The following SP100 variants were observed in gnomAD, a reference collection of about 807,000 sequenced individuals.
SP100 encodes the protein SP100 nuclear body protein.
A neutral mutation model predicts 130.0 loss-of-function variants in SP100; 84 were observed. The ratio of observed to expected loss-of-function variants is 0.65; its 90% CI spans 0.54 to 0.77. The LOEUF is 0.77. SP100 is among the 30% of genes least tolerant of loss of function. SP100 has a pLI of 0.00. For missense variants in SP100, 978 were observed against 1,052.2 expected (o/e 0.93, Z 0.97); for synonymous variants, 331 against 351.7 (o/e 0.94, Z 0.66).
chr2:230,491,016 G>A (rs1475716930), intron 17 of SP100, among the ~76,000 whole-genome samples: 2 of 152,072 alleles, frequency 1.3e-5, no homozygotes, highest in African/African-American at 2.4e-5. Flanking sequence ...TTGCATGTTG[G>A]CCTGCCTTGC....
intron 2 of SP100, among the ~76,000 whole-genome samples, chr2:230,425,028 T>A (rs112877544): frequency 9.9e-4 from 150 of 152,062 alleles, no homozygotes; most frequent in African/African-American, 3.4e-3. Flanking sequence ...TATTGAGGTA[T>A]AATTGTATAA....
intron 17 of SP100, among the ~76,000 whole-genome samples, chr2:230,489,260 G>A (rs1314069852): frequency 6.6e-6 from 1 of 152,136 alleles, no homozygotes; most frequent in African/African-American, 2.4e-5. Flanking sequence ...GAGGGTGTAT[G>A]TTTCCAGGAA....
chr2:230,438,334 G>A (rs1463623821), intron 2 of SP100, among the ~76,000 whole-genome samples: 2 of 151,936 alleles, frequency 1.3e-5, no homozygotes, highest in Non-Finnish European at 1.5e-5. Flanking sequence ...ACATAGATAA[G>A]TTCATTAGTG....
At chr2:230,439,581 TTTG>T (rs1489900632) in intron 2 of SP100, among the ~76,000 whole-genome samples, 1 of 152,054 alleles carries the variant, frequency 6.6e-6, no homozygotes, top group African/African-American at 2.4e-5. Flanking sequence ...GTTGTTTTGC[TTTG>T]TTTTTTTGGT....
At chr2:230,491,812 T>C (rs1206066863) in intron 17 of SP100, among the ~76,000 whole-genome samples, 1 of 152,230 alleles carries the variant, frequency 6.6e-6, no homozygotes, top group Admixed American at 6.5e-5. Context: ...ACTTTCAGCC[T>C]TCCTTACAGT....
rs924239827 is a variant in SP100, at chr2:230,461,219, T to C, written c.821-43T>C. The C allele has an allele frequency of 2.5e-6, 4 of 1,596,870 alleles. No individual in the cohort carries two copies. The African/African-American group carries it at 5.4e-5, about 22-fold the overall frequency. Reference sequence around the variant, plus strand: ...AGTTATTAATGATAGTGAAGGAGGTTCACTGGGGACACAAATGAAAATTCT... The same window carrying C: ...AGTTATTAATGATAGTGAAGGAGGTCCACTGGGGACACAAATGAAAATTCT... On this transcript the variant is annotated intron_variant, in intron 8 of 28. Transcript: ENST00000340126.
chr2:230,521,436 T>C (rs949306175), intron 24 of SP100, among the ~76,000 whole-genome samples: 1 of 152,186 alleles, frequency 6.6e-6, no homozygotes, highest in Non-Finnish European at 1.5e-5. Flanking sequence ...ACTGACTATC[T>C]GCTTCTTGTT....
At chr2:230,459,945 C>G (rs376530676) in intron 8 of SP100, among the ~76,000 whole-genome samples, 4 of 152,316 alleles carry the variant, frequency 2.6e-5, no homozygotes, top group Non-Finnish European at 5.9e-5. Flanking sequence ...ATGTCTACCA[C>G]GCACCTGCGC....
chr2:230,543,566 T>G lies in SP100; in HGVS notation c.*620T>G, dbSNP rs836239. 1 of 152,038 alleles carries G rather than the reference T, an allele frequency of 6.6e-6. No homozygotes were observed. The highest frequency in any genetic ancestry group is 6.6e-5 in the Admixed American group (1 of 15,262). 9.4% of individuals were successfully genotyped at this position (152,038 alleles called of 1,614,324 possible). On this transcript the variant is annotated 3_prime_UTR_variant, in exon 29 of 29. Coordinates refer to ENST00000340126, the MANE Select transcript of SP100 (RefSeq NM_001080391.2). The stretch of plus-strand genomic sequence containing the variant: ...AGGCAATCTCATTCACAATTGCCAC[T>G]AAAAGAATAAAATACCTAGGAATAC...
At chr2:230,441,755 G>T (rs1343006064) in intron 2 of SP100, among the ~76,000 whole-genome samples, 2 of 152,156 alleles carry the variant, frequency 1.3e-5, no homozygotes, top group Non-Finnish European at 2.9e-5. Context: ...GGGTTGACGG[G>T]CAGGGCACAC....
At chr2:230,535,128 G>A (rs553478134) in intron 24 of SP100, among the ~76,000 whole-genome samples, 10 of 152,146 alleles carry the variant, frequency 6.6e-5, no homozygotes, top group Admixed American at 1.3e-4. Flanking sequence ...CCTGGGAGGT[G>A]GAGGTTGCAG....
intron 18 of SP100, 98 bp downstream of exon 18, chr2:230,494,558 G>T: frequency 2.3e-6 from 2 of 851,190 alleles, no homozygotes; most frequent in Non-Finnish European, 4.0e-6. Context: ...TCTCCTATGG[G>T]CCACGGTAGC....
intron 17 of SP100, among the ~76,000 whole-genome samples, chr2:230,493,340 C>T (rs1438928754): frequency 6.6e-6 from 1 of 152,230 alleles, no homozygotes; most frequent in Non-Finnish European, 1.5e-5. Context: ...GCCTCAACCT[C>T]CCAAGTAGCT....
chr2:230,416,485 G>A lies in SP100; in HGVS notation c.32+157G>A, dbSNP rs569589224. Among the ~76,000 whole-genome samples, 38 of 152,326 alleles carry A rather than the reference G, an allele frequency of 2.5e-4. No individual in the cohort carries two copies. The East Asian group carries it at 5.8e-3, about 23-fold the overall frequency. ...AATGAAATGAAAGACAAGTAATGAG[G>A]AAATCAGATTTTTTAAACAGGAGCA... is the stretch of plus-strand genomic sequence containing the variant. On this transcript the variant is annotated intron_variant, in intron 1 of 28. Transcript: ENST00000340126.
intron 16 of SP100, 28 bp from the exon 17 acceptor site, chr2:230,474,366 T>A: frequency 7.6e-7 from 1 of 1,324,436 alleles, no homozygotes; most frequent in Non-Finnish European, 1.1e-6. Flanking sequence ...AAATTACAGT[T>A]CTCTGACCAC....
intron 8 of SP100, among the ~76,000 whole-genome samples, chr2:230,459,671 T>A (rs2064478651): frequency 6.6e-6 from 1 of 152,172 alleles, no homozygotes; most frequent in African/African-American, 2.4e-5. Context: ...CTTGTGTCAA[T>A]CCCAACTTTA....
intron 24 of SP100, among the ~76,000 whole-genome samples, chr2:230,525,662 G>C (rs564881644): frequency 3.3e-5 from 5 of 152,280 alleles, no homozygotes; most frequent in Non-Finnish European, 7.4e-5. Context: ...TCCTAGACAA[G>C]GGAGTATACT....
chr2:230,480,839 C>G (rs1270253231), intron 17 of SP100, among the ~76,000 whole-genome samples: 2 of 152,192 alleles, frequency 1.3e-5, no homozygotes, highest in African/African-American at 2.4e-5. Context: ...CTCTTAACAC[C>G]TGGCACGTAT....
intron 24 of SP100, chr2:230,520,780 A>G (rs1471147172): frequency 6.6e-6 from 1 of 152,218 alleles, no homozygotes; most frequent in Admixed American, 6.5e-5. Flanking sequence ...GTCTGTTACA[A>G]GTTGGAATGA....
Sources: allele counts gnomAD v4.1 joint callset (sites outside exome capture counted in the v4.1 genomes callset), GRCh38; gene constraint gnomAD v4.1.1; transcripts MANE v1.5; gene names NCBI Gene and HGNC (gene_info 2026-07-23, HGNC 2026-07-21).